Variants in BMERB1 observed in about 807,000 individuals in gnomAD.
BMERB1 encodes the protein bMERB domain containing 1.
In BMERB1, 12 loss-of-function variants were observed where a neutral mutation model predicts 23.6. The ratio of observed to expected loss-of-function variants is 0.51; its 90% CI spans 0.33 to 0.82. BMERB1 has a LOEUF of 0.82. Among genes scored for constraint, BMERB1 ranks in the 40% least tolerant of loss-of-function variants. The pLI, the probability that BMERB1 is intolerant of heterozygous loss-of-function variation, is 0.03. For synonymous variants in BMERB1, 122 were observed against 96.6 expected, an observed-to-expected ratio of 1.26 and a Z score of -1.54; for missense variants, 247 against 255.4, an observed-to-expected ratio of 0.97 and a Z score of 0.22.
At chr16:15,542,630 G>GTT (rs1454283495) in intron 2 of BMERB1, among the ~76,000 whole-genome samples, 2 of 139,464 alleles carry the variant, frequency 1.4e-5, no homozygotes, top group African/African-American at 6.0e-5. Flanking sequence ...ACCTCCTAGG[G>GTT]ATTTTTTTTT....
intron 2 of BMERB1, among the ~76,000 whole-genome samples, chr16:15,553,512 C>T (rs927102459): frequency 2.6e-5 from 4 of 152,234 alleles, no homozygotes; most frequent in African/African-American, 7.2e-5. Flanking sequence ...CAGTCTCTGT[C>T]GTGATTACTC....
intron 3 of BMERB1, among the ~76,000 whole-genome samples, chr16:15,575,621 A>G (rs1270862535): frequency 6.6e-6 from 1 of 152,202 alleles, no homozygotes; most frequent in East Asian, 1.9e-4. Flanking sequence ...ATGAAGCAAC[A>G]AAAGCAGAAA....
intron 1 of BMERB1, among the ~76,000 whole-genome samples, chr16:15,453,089 T>C (rs1598446104): frequency 6.6e-6 from 1 of 152,084 alleles, no homozygotes; most frequent in South Asian, 2.1e-4. Flanking sequence ...GGAGAATCAC[T>C]TGAATCCGGG....
intron 1 of BMERB1, 37 bp from the exon 2 acceptor site, chr16:15,515,268 G>C (rs960722565): frequency 5.6e-6 from 9 of 1,611,852 alleles, no homozygotes; most frequent in Admixed American, 5.0e-5. Context: ...GTGCAGCCTT[G>C]GGGTCCTGAT....
intron 1 of BMERB1, among the ~76,000 whole-genome samples, chr16:15,483,849 A>C (rs996325602): frequency 7.2e-5 from 11 of 152,338 alleles, no homozygotes; most frequent in African/African-American, 2.4e-4. Context: ...TACTGTAGGT[A>C]GAGGTATCTT....
intron 2 of BMERB1, among the ~76,000 whole-genome samples, chr16:15,520,572 C>T (rs1208587144): frequency 1.3e-5 from 2 of 151,578 alleles, no homozygotes; most frequent in Non-Finnish European, 2.9e-5. Context: ...CAAGCTCCAC[C>T]TCCCGGGTTC....
chr16:15,543,276 T>C (rs1337080713), intron 2 of BMERB1, among the ~76,000 whole-genome samples: 1 of 152,112 alleles, frequency 6.6e-6, no homozygotes, highest in Non-Finnish European at 1.5e-5. Flanking sequence ...TCTGGTGCTA[T>C]TCTGATTGTG....
chr16:15,439,361 A>G (rs1036101672), intron 1 of BMERB1, among the ~76,000 whole-genome samples: 4 of 3,702 alleles, frequency 1.1e-3, no homozygotes, highest in Non-Finnish European at 0.012. Context: ...ATTAGATGAG[A>G]TAATGTATAT....
At chr16:15,475,441 TACTC>T (rs1474243433) in intron 1 of BMERB1, among the ~76,000 whole-genome samples, 1 of 152,222 alleles carries the variant, frequency 6.6e-6, no homozygotes, top group Non-Finnish European at 1.5e-5. Flanking sequence ...AAAGCTGTTG[TACTC>T]ACAGTTACAG....
chr16:15,576,699 C>T lies in BMERB1; in HGVS notation c.305-4518C>T, dbSNP rs139383115. On this transcript the variant is annotated intron_variant, in intron 3 of 5. Coordinates refer to ENST00000300006, the MANE Select transcript of BMERB1 (RefSeq NM_033201.3). The stretch of plus-strand genomic sequence containing the variant: ...CGAGGTGTCAACAGGGCCTTGTTCC[C>T]TGCTAAGGCTCTAGAGGAGACTCCT... Among the ~76,000 whole-genome samples the T allele has an allele frequency of 9.2e-3, 1,398 of 151,930 alleles. 23 individuals carry two copies. Among genetic ancestry groups the T allele is most frequent in the African/African-American group, 0.031 (1,264 of 41,296 alleles).
intron 1 of BMERB1, among the ~76,000 whole-genome samples, chr16:15,507,458 C>A (rs1464388330): frequency 1.3e-5 from 2 of 152,126 alleles, no homozygotes; most frequent in Non-Finnish European, 2.9e-5. Context: ...TGACTCAGCT[C>A]CTGGAAGCTC....
intron 1 of BMERB1, among the ~76,000 whole-genome samples, chr16:15,492,326 G>T (rs1021624015): frequency 1.4e-4 from 21 of 152,192 alleles, no homozygotes; most frequent in Non-Finnish European, 2.5e-4. Flanking sequence ...ACCAGTTCTA[G>T]CTGAGACACA....
At chr16:15,579,323 C>CCCAA (rs1293703590) in intron 3 of BMERB1, among the ~76,000 whole-genome samples, 1 of 152,014 alleles carries the variant, frequency 6.6e-6, no homozygotes, top group Non-Finnish European at 1.5e-5. Context: ...GGGAATCAGA[C>CCCAA]CCAACCCACA....
intron 4 of BMERB1, among the ~76,000 whole-genome samples, chr16:15,582,929 C>T (rs1217779319): frequency 2.0e-5 from 3 of 152,190 alleles, no homozygotes; most frequent in Non-Finnish European, 4.4e-5. Flanking sequence ...CCTGGGGTCA[C>T]ATACCTACCT....
chr16:15,533,117 G>A (rs565843040), intron 2 of BMERB1: 7 of 403,136 alleles, frequency 1.7e-5, no homozygotes, highest in South Asian at 8.9e-5. Context: ...TAAGTGCTCA[G>A]TCCAGTGCCT....
chr16:15,444,123 G>GTTTTTTTTTTTTTTGTTTTTTTTTTTT (rs2050966802), intron 1 of BMERB1, among the ~76,000 whole-genome samples: 6 of 35,620 alleles, frequency 1.7e-4, no homozygotes. Flanking sequence ...CACCAGCTTT[G>GTTTTTTTTTTTTTTGTTTTTTTTTTTT]TTTTTTTTTT....
intron 4 of BMERB1, among the ~76,000 whole-genome samples, chr16:15,582,263 G>T (rs932537255): frequency 6.6e-6 from 1 of 152,192 alleles, no homozygotes; most frequent in Non-Finnish European, 1.5e-5. Flanking sequence ...GCCGGGCGTG[G>T]TGGTGCATGC....
chr16:15,483,761 C>G (rs2051344878), intron 1 of BMERB1, among the ~76,000 whole-genome samples: 1 of 152,120 alleles, frequency 6.6e-6, no homozygotes, highest in Non-Finnish European at 1.5e-5. Flanking sequence ...CTTTCTGGCC[C>G]TTGCATACTT....
At chr16:15,492,070 C>A (rs1410652444) in intron 1 of BMERB1, among the ~76,000 whole-genome samples, 1 of 152,180 alleles carries the variant, frequency 6.6e-6, no homozygotes, top group Non-Finnish European at 1.5e-5. Context: ...GTGCCCCAGT[C>A]CCTGCAGAGG....
Sources: allele counts gnomAD v4.1 joint callset (sites outside exome capture counted in the v4.1 genomes callset), GRCh38; gene constraint gnomAD v4.1.1; transcripts MANE v1.5; gene names NCBI Gene and HGNC (gene_info 2026-07-23, HGNC 2026-07-21).